The following ATRN variants were observed in gnomAD, a reference collection of about 807,000 sequenced individuals.
The protein encoded by ATRN is attractin.
Under a neutral mutation model 178.7 loss-of-function variants are expected in ATRN, and 54 were observed. That is an observed-to-expected ratio of 0.30 (90% CI 0.24 to 0.38). The LOEUF (loss-of-function observed/expected upper bound fraction) is 0.38, where lower values mean the gene tolerates loss of function less well. Ranked by LOEUF, ATRN falls within the 10% of genes least tolerant of loss-of-function variation. The pLI is 1.00. For missense variants in ATRN, 1,443 were observed against 1,815.1 expected (o/e 0.79, Z 3.73); for synonymous variants, 636 against 663.0 (o/e 0.96, Z 0.63).
rs771215598 is a variant in ATRN, at chr20:3,594,527, A to G, written c.3371A>G (p.Lys1124Arg). The change falls in exon 20 of 29, where the codon AAG (lysine) becomes AGG (arginine). Residue 1124 changes from lysine (K) to arginine (R), a missense_variant. By Grantham distance (26) the Lys-to-Arg change is conservative. This residue lies in a region of ATRN where 289 missense variants were observed against 440.8 expected (regional missense o/e 0.66). Transcript: ENST00000262919. ...HASLCNTNTG[K>R]CFCTTKGVKG... ...TCTCTGTGCAACACCAACACGGGCA[A>G]GTGCTTCTGCACCACCAAGGGCGTC... is the stretch of plus-strand genomic sequence containing the variant. 1.2e-6 allele frequency: 2 copies of G among 1,612,676 alleles called. No homozygotes were observed. Among genetic ancestry groups the G allele is most frequent in the Non-Finnish European group, 1.7e-6 (2 of 1,178,996 alleles).
chr20:3,632,496 C>T lies in ATRN; in HGVS notation c.3864-1815C>T, dbSNP rs566663007. On this transcript the variant is annotated intron_variant, in intron 25 of 28. Transcript: ENST00000262919. This position sits in a 1 kb window ranked among gnomAD's most constrained non-coding sequence, Gnocchi z 4.2. ...AGCCATCCCAGGCACGGCCTTGCCT[C>T]GGGCTTTGCACTGACTGCTCCTTTT... Among the ~76,000 whole-genome samples the T allele has an allele frequency of 3.9e-5, 6 of 152,142 alleles. No homozygotes were observed. The highest frequency in any genetic ancestry group is 1.3e-4 in the Admixed American group (2 of 15,268).
At chr20:3,589,268 G>T (rs1285490497) in intron 18 of ATRN, among the ~76,000 whole-genome samples, 2 of 152,032 alleles carry the variant, frequency 1.3e-5, no homozygotes, top group Non-Finnish European at 2.9e-5. Context: ...AAAGTGCTGG[G>T]ATTACAGGCG....
chr20:3,556,442 C>A (rs2085877750), intron 6 of ATRN, among the ~76,000 whole-genome samples: 1 of 152,150 alleles, frequency 6.6e-6, no homozygotes, highest in South Asian at 2.1e-4. Context: ...GTCTAGTCTC[C>A]ACAGAGCCTT....
Position 3,583,889 on chromosome 20 carries a change from C to A in ATRN, c.2765-9C>A, listed in dbSNP as rs777854098. The A allele has an allele frequency of 1.9e-6, 3 of 1,611,146 alleles. No individual in the cohort carries two copies. The highest frequency in any genetic ancestry group is 1.7e-5 in the Admixed American group (1 of 59,936). ...AGCTCTAAGTGTCTCTCTTGGGTTT[C>A]ATTCCCAGCAAACCACAGTGCTAAG... On this transcript the variant is annotated splice_polypyrimidine_tract_variant and intron_variant, in intron 16 of 28. Transcript: ENST00000262919.
rs79609705 is a variant in ATRN at position 3,589,802 on chromosome 20, A to G, written c.3185-1367A>G. ...GTTGACTGGTGTGCGCATCTCCCTCATTGGAAGAAGGAAGGAGCAATGGAC... is the reference window on the plus strand; with the variant it reads ...GTTGACTGGTGTGCGCATCTCCCTCGTTGGAAGAAGGAAGGAGCAATGGAC... On this transcript the variant is annotated intron_variant, in intron 18 of 28. Transcript: ENST00000262919. 8.8e-3 allele frequency among the ~76,000 whole-genome samples: 1,337 copies of G among 152,246 alleles called. 8 individuals carry two copies. Among genetic ancestry groups the G allele is most frequent in the Non-Finnish European group, 0.014 (935 of 68,018 alleles).
At chr20:3,474,477 G>T (rs112956817) in intron 1 of ATRN, among the ~76,000 whole-genome samples, 61 of 152,202 alleles carry the variant, frequency 4.0e-4, no homozygotes, top group Middle Eastern at 3.4e-3. Flanking sequence ...GGGAGGCCGA[G>T]GCGGTGTATC....
intron 4 of ATRN, among the ~76,000 whole-genome samples, chr20:3,546,482 C>G (rs2085704327): frequency 6.6e-6 from 1 of 150,476 alleles, no homozygotes; most frequent in Non-Finnish European, 1.5e-5. Flanking sequence ...ACCTCCACCT[C>G]CTGGGTTCAA....
chr20:3,509,497 A>ATT (rs34739669), intron 1 of ATRN, among the ~76,000 whole-genome samples: 168 of 143,784 alleles, frequency 1.2e-3, no homozygotes, highest in Middle Eastern at 3.7e-3. Flanking sequence ...CATGTTAACA[A>ATT]TTTTTTTTTT....
At chr20:3,481,173 T>C (rs2084615062) in intron 1 of ATRN, among the ~76,000 whole-genome samples, 1 of 152,222 alleles carries the variant, frequency 6.6e-6, no homozygotes, top group African/African-American at 2.4e-5. Context: ...ATTATTAACG[T>C]GACTTCCTTC....
At chr20:3,510,959 T>A (rs1477838968) in intron 1 of ATRN, among the ~76,000 whole-genome samples, 1 of 152,170 alleles carries the variant, frequency 6.6e-6, no homozygotes, top group Non-Finnish European at 1.5e-5. Context: ...TTGGCCTAAT[T>A]GACATATACA....
chr20:3,595,694 T>G (rs1353033506), intron 20 of ATRN, among the ~76,000 whole-genome samples: 2 of 152,214 alleles, frequency 1.3e-5, no homozygotes, highest in African/African-American at 4.8e-5. Flanking sequence ...AGATCGCAGA[T>G]GTAGGCAGGT....
At chr20:3,478,436 C>A (rs952596562) in intron 1 of ATRN, among the ~76,000 whole-genome samples, 1 of 152,124 alleles carries the variant, frequency 6.6e-6, no homozygotes, top group Non-Finnish European at 1.5e-5. Context: ...TGGAAACCAT[C>A]ATTCTTAGCA....
chr20:3,550,405 G>A (rs985750399), intron 6 of ATRN, among the ~76,000 whole-genome samples: 12 of 152,056 alleles, frequency 7.9e-5, no homozygotes, highest in Admixed American at 5.2e-4. Flanking sequence ...GTTTGAAGTC[G>A]GGTAACCTGT....
In ATRN at chr20:3,576,818, C is replaced by T. The variant is rs575262849; in HGVS notation, c.2215-41C>T. On this transcript the variant is annotated intron_variant, in intron 13 of 28. Transcript: ENST00000262919. ...TGTTGGTCCTCACCATAAGTTCTCT[C>T]TGTGGATACAAAAGAAAAGCTTTTG... The T allele has an allele frequency of 4.5e-5, 73 of 1,607,428 alleles. No homozygotes were observed. In the East Asian group the frequency reaches 1.2e-3, roughly 26 times the overall value.
intron 1 of ATRN, among the ~76,000 whole-genome samples, chr20:3,496,905 C>A (rs2084888105): frequency 6.6e-6 from 1 of 150,394 alleles, no homozygotes; most frequent in Non-Finnish European, 1.5e-5. Flanking sequence ...GATCCCTTTA[C>A]CATTATGTAA....
chr20:3,621,967 T>C (rs2086900504), intron 24 of ATRN, among the ~76,000 whole-genome samples: 1 of 152,246 alleles, frequency 6.6e-6, no homozygotes, highest in African/African-American at 2.4e-5. Flanking sequence ...AATTAATGTA[T>C]CAGTGGCTGC....
chr20:3,603,199 G>T lies in ATRN; in HGVS notation c.3644-906G>T, dbSNP rs2086635324. On this transcript the variant is annotated intron_variant, in intron 23 of 28. Coordinates refer to ENST00000262919, the MANE Select transcript of ATRN (RefSeq NM_139321.3). ...GGGGGACTTAAATACTGTGGTAGCT[G>T]GTGGTAGAAGGGAGGACTGAGTGAC... Among the ~76,000 whole-genome samples, 3 of 152,114 alleles carry T rather than the reference G, an allele frequency of 2.0e-5. 1 individual carries two copies. The South Asian group carries it at 6.2e-4, about 31-fold the overall frequency.
In ATRN at chr20:3,640,395, A is replaced by G. The variant is rs548542703; in HGVS notation, c.4050+1460A>G. On this transcript the variant is annotated intron_variant, in intron 27 of 28. Transcript: ENST00000262919. ...TAGAATGAGAAGATCCAACTCATAT[A>G]TATTTCCAGAATCCCAGAACAAAGG... Among the ~76,000 whole-genome samples the G allele has an allele frequency of 3.9e-5, 6 of 152,340 alleles. No homozygotes were observed. The East Asian group carries it at 9.6e-4, about 24-fold the overall frequency.
At chr20:3,515,823 T>C (rs1286573202) in intron 1 of ATRN, among the ~76,000 whole-genome samples, 3 of 152,192 alleles carry the variant, frequency 2.0e-5, no homozygotes, top group Non-Finnish European at 2.9e-5. Context: ...TGCCCTTGAT[T>C]GGGTGGAGTT....
Sources: allele counts gnomAD v4.1 joint callset (sites outside exome capture counted in the v4.1 genomes callset), GRCh38; gene constraint gnomAD v4.1.1; regional missense constraint gnomAD v4.1.1; non-coding constraint Gnocchi (gnomAD v3.1); transcripts MANE v1.5; gene names NCBI Gene and HGNC (gene_info 2026-07-23, HGNC 2026-07-21).